PCID2: variants seen among roughly 807,000 people sequenced by gnomAD.
The protein encoded by PCID2 is PCI domain containing 2, also known as PCI domain-containing protein 2.
A neutral mutation model predicts 61.3 loss-of-function variants in PCID2; 41 were observed. That is an observed-to-expected ratio of 0.67 (90% CI 0.52 to 0.87). The LOEUF is 0.87. Ranked by LOEUF, PCID2 falls within the 40% of genes least tolerant of loss-of-function variation. PCID2 has a pLI of 0.00. For synonymous variants in PCID2, 187 were observed against 177.8 expected, an observed-to-expected ratio of 1.05 and a Z score of -0.41; for missense variants, 392 against 493.4, an observed-to-expected ratio of 0.79 and a Z score of 1.95.
At chr13:113,207,357 A>G (rs2039959365) in intron 1 of PCID2, among the ~76,000 whole-genome samples, 1 of 152,272 alleles carries the variant, frequency 6.6e-6, no homozygotes, top group African/African-American at 2.4e-5. Context: ...GAAAAATTGT[A>G]AAAGATTAAG....
At chr13:113,192,324 C>T (rs578126812) in intron 6 of PCID2, among the ~76,000 whole-genome samples, 9 of 152,290 alleles carry the variant, frequency 5.9e-5, no homozygotes, top group Middle Eastern at 3.4e-3. Context: ...CTTGAGCACA[C>T]GTTTTTTATA....
In PCID2 at chr13:113,180,030, C is replaced by T. The variant is rs556169801; in HGVS notation, c.873G>A (p.Leu291=). ...TCGCCAGCGCCTCGTGCAGCAGCAG[C>T]AGGTTGCCCTCGCTGGTGAGGGGGG... ...EVTRAVSEGN[L]LLLHEALAKH... is the part of the protein sequence containing the mutation. Residue 291 remains leucine (L), a synonymous_variant, in exon 12 of 14, where the codon CTG becomes CTA. Coordinates refer to ENST00000337344, the MANE Select transcript of PCID2 (RefSeq NM_001127202.4). 3.8e-5 allele frequency: 62 copies of T among 1,613,942 alleles called. No individual in the cohort carries two copies. The highest frequency in any genetic ancestry group is 5.3e-5 in the Non-Finnish European group (62 of 1,180,002).
intron 9 of PCID2, 137 bp downstream of exon 9, chr13:113,184,209 T>A (rs2037896411): frequency 1.1e-6 from 1 of 908,084 alleles, no homozygotes; most frequent in East Asian, 2.5e-5. Context: ...AGCTTTAGTG[T>A]CAAATATGTA....
intron 1 of PCID2, 120 bp downstream of exon 1, chr13:113,208,479 G>A (rs2040121480): frequency 6.5e-7 from 1 of 1,536,268 alleles, no homozygotes; most frequent in South Asian, 1.2e-5. Context: ...CCGGGGACCC[G>A]AACGGAAGAA....
At chr13:113,175,027 CAGTG>C (rs2037166121), downstream of PCID2, among the ~76,000 whole-genome samples, 1 of 152,166 alleles carries the variant, frequency 6.6e-6, no homozygotes. Flanking sequence ...GTTCTCGTGA[CAGTG>C]AGGGCGTCTA....
the PCID2 span, chr13:113,171,664 C>G: frequency 1.9e-6 from 3 of 1,614,070 alleles, no homozygotes; most frequent in Non-Finnish European, 2.5e-6. The surrounding 1 kb of genome is among the most constrained non-coding windows in gnomAD (Gnocchi z 5.1). Context: ...TGCGGTATGA[C>G]GCGGACGCGG....
Position 113,177,851 on chromosome 13 carries a change from C to A in PCID2, c.*347G>T. On this transcript the variant is annotated 3_prime_UTR_variant, in exon 14 of 14. Transcript: ENST00000337344. ...GTATAAATTCAGAATACGCTTTTTA[C>A]ACAAAGAACTACAAAAAGTTACAAA... is the stretch of plus-strand genomic sequence containing the variant. The A allele has an allele frequency of 5.6e-6, 1 of 177,478 alleles. No individual in the cohort carries two copies. Among genetic ancestry groups the A allele is most frequent in the South Asian group, 1.3e-4 (1 of 7,702 alleles). 11.0% of individuals were successfully genotyped at this position (177,478 alleles called of 1,614,324 possible).
chr13:113,204,726 T>C (rs1022639947), intron 1 of PCID2, among the ~76,000 whole-genome samples: 1 of 152,088 alleles, frequency 6.6e-6, no homozygotes, highest in African/African-American at 2.4e-5. Flanking sequence ...GACTAAACTG[T>C]GAGAAGACTG....
At chr13:113,202,349 C>G (rs2039493643) in intron 1 of PCID2, among the ~76,000 whole-genome samples, 1 of 152,176 alleles carries the variant, frequency 6.6e-6, no homozygotes, top group African/African-American at 2.4e-5. Flanking sequence ...CCTGACTATT[C>G]CATACAACTA....
chr13:113,174,004 G>A (rs113481469), downstream of PCID2, among the ~76,000 whole-genome samples: 52 of 152,048 alleles, frequency 3.4e-4, 1 homozygote, highest in East Asian at 1.9e-3. Context: ...TGAGGCGGGC[G>A]GATCACGAGG....
At chr13:113,180,969 G>C (rs1314504417) in intron 10 of PCID2, among the ~76,000 whole-genome samples, 161 bp downstream of exon 10, 1 of 152,126 alleles carries the variant, frequency 6.6e-6, no homozygotes, top group East Asian at 1.9e-4. Context: ...TCTGGGTTTG[G>C]GCCACACACA....
chr13:113,196,700 T>C (rs966973042), intron 4 of PCID2, among the ~76,000 whole-genome samples: 3 of 152,216 alleles, frequency 2.0e-5, no homozygotes, highest in African/African-American at 7.2e-5. Flanking sequence ...TACAAATCCT[T>C]AGCACACTCA....
chr13:113,194,169 C>T (rs138610303), intron 6 of PCID2, among the ~76,000 whole-genome samples: 1 of 152,280 alleles, frequency 6.6e-6, no homozygotes, highest in Non-Finnish European at 1.5e-5. Context: ...AGGTCCTGGG[C>T]CACCCCCAGT....
In PCID2 at chr13:113,177,581, T is replaced by A. The variant is rs1164178437; in HGVS notation, c.*617A>T. On this transcript the variant is annotated 3_prime_UTR_variant, in exon 14 of 14. Transcript: ENST00000337344. ...ATGTATTTTCAATTTAAGATGGTTT[T>A]TTAAAAGAAATTTTTTTTTAACCAA... 1.3e-5 allele frequency: 2 copies of A among 152,264 alleles called. No homozygotes were observed. The highest frequency in any genetic ancestry group is 4.8e-5 in the African/African-American group (2 of 41,474). The allele number at this position is 152,264 out of a possible 1,614,324, so 9.4% of individuals were successfully genotyped here.
At chr13:113,178,851 CA>C (rs1014653629) in intron 13 of PCID2, 114 bp downstream of exon 13, 2,141 of 967,514 alleles carry the variant, frequency 2.2e-3, no homozygotes, top group South Asian at 2.8e-3. Context: ...TTAGTTCTAT[CA>C]AAAAAAAAGC....
At chr13:113,187,127 T>A (rs934480794) in intron 7 of PCID2, 3 of 152,124 alleles carry the variant, frequency 2.0e-5, no homozygotes, top group African/African-American at 7.2e-5. Context: ...CGGAGACAAA[T>A]AATAATACTG....
In PCID2 at chr13:113,190,872, G is replaced by C. The variant is rs2038556160; in HGVS notation, c.467C>G (p.Thr156Ser). The C allele has an allele frequency of 6.3e-7, 1 of 1,599,918 alleles. No homozygotes were observed. The highest frequency in any genetic ancestry group is 8.6e-7 in the Non-Finnish European group (1 of 1,169,108). Residue 156 changes from threonine (T) to serine (S), a missense_variant and splice_region_variant, in exon 7 of 14, where the codon ACC (threonine) becomes AGC (serine). Around this residue, in one of 3 missense-constraint regions of PCID2, gnomAD observed 11 missense variants for 32.0 expected, o/e 0.34. Transcript: ENST00000337344. ...MSCFRVCASDTRAGIEDSKKW... is the reference protein window; with the variant it reads ...MSCFRVCASDSRAGIEDSKKW... ...GGTCGGTCCTCAAGTCCTTACTCACGTGTCGCTGGCACAGACCCGGAAACA... is the reference window on the plus strand; with the variant it reads ...GGTCGGTCCTCAAGTCCTTACTCACCTGTCGCTGGCACAGACCCGGAAACA...
intron 7 of PCID2, 28 bp from the exon 8 acceptor site, chr13:113,185,588 A>G (rs145127036): frequency 1.4e-6 from 2 of 1,426,492 alleles, no homozygotes; most frequent in East Asian, 2.3e-5. Context: ...TTTTTAAGTT[A>G]CATAGGAAAT....
intron 1 of PCID2, among the ~76,000 whole-genome samples, chr13:113,203,702 G>A (rs1490676924): frequency 6.6e-6 from 1 of 152,142 alleles, no homozygotes; most frequent in Non-Finnish European, 1.5e-5. Flanking sequence ...GGCCTCCTCT[G>A]GCTCCCTCGA....
Sources: gnomAD v4.1 joint callset for allele counts (sites outside exome capture counted in the v4.1 genomes callset) on GRCh38, gnomAD v4.1.1 for gene constraint, gnomAD v4.1.1 regional missense constraint, Gnocchi (gnomAD v3.1) non-coding constraint, MANE v1.5 for transcripts, NCBI Gene and HGNC (gene_info 2026-07-23, HGNC 2026-07-21) for gene names.